Variants in HMGA2 observed in about 807,000 individuals in gnomAD.
HMGA2 encodes high mobility group AT-hook 2, also known as high mobility group protein HMGI-C.
In HMGA2, 8 loss-of-function variants were observed where a neutral mutation model predicts 19.1. The ratio of observed to expected loss-of-function variants is 0.42; its 90% CI spans 0.25 to 0.76. The LOEUF (loss-of-function observed/expected upper bound fraction) is 0.76. Ranked by LOEUF, HMGA2 falls within the 30% of genes least tolerant of loss-of-function variation. The probability of loss-of-function intolerance (pLI) is 0.28; values close to 1 mark genes in which losing one functional copy is unlikely to be tolerated. For missense variants in HMGA2, 109 were observed against 136.3 expected (o/e 0.80, Z 1.00); for synonymous variants, 60 against 48.8 (o/e 1.23, Z -0.96).
intron 3 of HMGA2, among the ~76,000 whole-genome samples, chr12:65,936,620 G>A (rs1291142790): frequency 6.6e-6 from 1 of 152,064 alleles, no homozygotes; most frequent in Non-Finnish European, 1.5e-5. Flanking sequence ...TAAACAATAA[G>A]GATTACATGA....
At chr12:65,842,039 GT>G in intron 3 of HMGA2, 1 of 1,189,878 alleles carries the variant, frequency 8.4e-7, no homozygotes, top group Non-Finnish European at 1.1e-6. Context: ...CAGATCTATT[GT>G]TTTTATGAGG....
chr12:65,885,667 C>CAGCA (rs1439351157), intron 3 of HMGA2, among the ~76,000 whole-genome samples: 1 of 152,204 alleles, frequency 6.6e-6, no homozygotes, highest in Non-Finnish European at 1.5e-5. Flanking sequence ...ATGCACCTGA[C>CAGCA]AGCACATGCC....
At chr12:65,937,007 G>T (rs556066258) in intron 3 of HMGA2, among the ~76,000 whole-genome samples, 11 of 152,306 alleles carry the variant, frequency 7.2e-5, no homozygotes, top group African/African-American at 2.4e-4. Flanking sequence ...ATTTGGAGGA[G>T]AATTTTTCCC....
At chr12:65,947,040 T>C (rs1807999515) in intron 3 of HMGA2, among the ~76,000 whole-genome samples, 1 of 152,184 alleles carries the variant, frequency 6.6e-6, no homozygotes, top group Non-Finnish European at 1.5e-5. Context: ...AGAGAACTAC[T>C]CACTGAAATC....
chr12:65,855,801 T>C (rs75792941), intron 3 of HMGA2: 20,886 of 154,092 alleles, frequency 0.14, 2,670 homozygotes, highest in African/African-American at 0.32. Flanking sequence ...GGGATTCTTT[T>C]GGAGAATACA....
chr12:65,828,009 C>A lies in HMGA2; in HGVS notation c.120C>A (p.Thr40=), dbSNP rs552619480. 6.8e-6 allele frequency: 11 copies of A among 1,612,362 alleles called. No homozygotes were observed. In the African/African-American group the frequency reaches 1.2e-4, roughly 18 times the overall value. The part of the protein sequence containing the change: ...GRPRKQQQEP[T]GEPSPKRPRG... ...TTTTCCCTCACAATTAGGAACCAAC[C>A]GGTGAGCCCTCTCCTAAGAGACCCA... Residue 40 remains threonine, a synonymous_variant, in exon 2 of 5, where the codon ACC becomes ACA. Transcript: ENST00000403681.
At chr12:65,924,039 A>G (rs543534333) in intron 3 of HMGA2, among the ~76,000 whole-genome samples, 15 of 151,938 alleles carry the variant, frequency 9.9e-5, no homozygotes, top group African/African-American at 3.4e-4. Flanking sequence ...AAAAGAACAA[A>G]CAAAAAAACC....
chr12:65,924,018 C>A (rs574721635), intron 3 of HMGA2, among the ~76,000 whole-genome samples: 1 of 151,994 alleles, frequency 6.6e-6, no homozygotes, highest in South Asian at 2.1e-4. Flanking sequence ...CTCAAAAAAA[C>A]AAAACAAAAC....
At chr12:65,848,214 G>A (rs1871307460) in intron 3 of HMGA2, among the ~76,000 whole-genome samples, 1 of 152,148 alleles carries the variant, frequency 6.6e-6, no homozygotes, top group East Asian at 1.9e-4. Flanking sequence ...CACAATTTTG[G>A]ATCATCAGAA....
chr12:65,956,278 T>G (rs1342213938), intron 4 of HMGA2: 3 of 152,238 alleles, frequency 2.0e-5, no homozygotes, highest in Non-Finnish European at 4.4e-5. Flanking sequence ...TAGTACCAAC[T>G]GGCAAAACAT....
chr12:65,894,297 G>A (rs1300474013), intron 3 of HMGA2, among the ~76,000 whole-genome samples: 1 of 152,050 alleles, frequency 6.6e-6, no homozygotes. Flanking sequence ...TATTTTATAG[G>A]CACTGCATAT....
intron 3 of HMGA2, chr12:65,856,219 C>T (rs1871735949): frequency 6.6e-6 from 1 of 152,186 alleles, no homozygotes; most frequent in African/African-American, 2.4e-5. Flanking sequence ...CTGTGTCCTG[C>T]TTTCTGTCCC....
chr12:65,937,595 T>C (rs1374654553), intron 3 of HMGA2, among the ~76,000 whole-genome samples: 1 of 152,184 alleles, frequency 6.6e-6, no homozygotes, highest in East Asian at 1.9e-4. Flanking sequence ...GCACACTCAT[T>C]AACTAGCTGT....
chr12:65,939,638 G>A (rs1876019766), intron 3 of HMGA2, among the ~76,000 whole-genome samples: 1 of 152,220 alleles, frequency 6.6e-6, no homozygotes, highest in African/African-American at 2.4e-5. Context: ...TTATAGGTGT[G>A]AGACACCACG....
At chr12:65,907,784 A>C (rs549356483) in intron 3 of HMGA2, among the ~76,000 whole-genome samples, 83 of 152,260 alleles carry the variant, frequency 5.5e-4, no homozygotes, top group African/African-American at 1.9e-3. Context: ...GGTTCTGGGA[A>C]GTGGTAGACA....
At chr12:65,830,440 T>G (rs1870430162) in intron 2 of HMGA2, among the ~76,000 whole-genome samples, 1 of 151,926 alleles carries the variant, frequency 6.6e-6, no homozygotes, top group African/African-American at 2.4e-5. Flanking sequence ...CTGACCAGAA[T>G]AGATATGAGA....
intron 3 of HMGA2, among the ~76,000 whole-genome samples, chr12:65,878,347 G>T (rs933336510): frequency 6.6e-6 from 1 of 152,158 alleles, no homozygotes; most frequent in Non-Finnish European, 1.5e-5. Context: ...AGCTGACATT[G>T]TTCTAACACT....
At chr12:65,877,156 G>A (rs373799449) in intron 3 of HMGA2, 10 of 152,298 alleles carry the variant, frequency 6.6e-5, no homozygotes, top group African/African-American at 2.4e-4. Flanking sequence ...AAACAAAAAT[G>A]AAGAAAGAAA....
At chr12:65,856,650 GA>G (rs1190148384) in intron 3 of HMGA2, 1 of 152,344 alleles carries the variant, frequency 6.6e-6, no homozygotes, top group Non-Finnish European at 1.5e-5. Flanking sequence ...TCACAGTCTG[GA>G]AACTGGAAGT....
Sources: gnomAD v4.1 joint callset for allele counts (sites outside exome capture counted in the v4.1 genomes callset) on GRCh38, gnomAD v4.1.1 for gene constraint, MANE v1.5 for transcripts, NCBI Gene and HGNC (gene_info 2026-07-23, HGNC 2026-07-21) for gene names.